The following PTK2B variants were observed in gnomAD, a reference collection of about 807,000 sequenced individuals.
The protein encoded by PTK2B is protein-tyrosine kinase 2-beta.
PTK2B carries 71 observed loss-of-function variants against 142.9 expected under a neutral mutation model. The ratio of observed to expected loss-of-function variants is 0.50; its 90% confidence interval spans 0.41 to 0.61. The LOEUF is 0.61. Among genes scored for constraint, PTK2B ranks in the 20% least tolerant of loss-of-function variants. The pLI, the probability that PTK2B is intolerant of heterozygous loss-of-function variation, is 0.00. For synonymous variants in PTK2B, 519 were observed against 503.4 expected, an observed-to-expected ratio of 1.03 and a Z score of -0.42; for missense variants, 1,105 against 1,320.4, an observed-to-expected ratio of 0.84 and a Z score of 2.53.
chr8:27,333,859 C>T lies in PTK2B; in HGVS notation c.-38+8178C>T, dbSNP rs1334512879. On this transcript the variant is annotated intron_variant, in intron 1 of 30. Transcript: ENST00000346049. ...GTGATGATTCCCAGGACCCTCCCTC[C>T]CTCCCTTAGCCCTCACTTCTAAGAG... Among the ~76,000 whole-genome samples, 4 of 152,100 alleles carry T rather than the reference C, an allele frequency of 2.6e-5. No homozygotes were observed. The East Asian group carries it at 7.7e-4, about 29-fold the overall frequency.
intron 2 of PTK2B, among the ~76,000 whole-genome samples, chr8:27,312,547 T>C (rs1048109848): frequency 6.6e-6 from 1 of 152,180 alleles, no homozygotes; most frequent in African/African-American, 2.4e-5. Context: ...ACCCAGGAGT[T>C]TCATCTTTTA....
At chr8:27,377,124 A>C (rs556287521) in intron 1 of PTK2B, among the ~76,000 whole-genome samples, 1 of 152,302 alleles carries the variant, frequency 6.6e-6, no homozygotes, top group African/African-American at 2.4e-5. Flanking sequence ...AAGGTGTAGA[A>C]AAACTCCTTT....
At position 27,435,879 on chromosome 8, in the gene PTK2B, T is replaced by C. The variant is rs1367097590; in HGVS notation, c.1243+86T>C. The C allele has an allele frequency of 2.0e-6, 3 of 1,466,092 alleles. No individual in the cohort carries two copies. The African/African-American group carries it at 4.2e-5, about 20-fold the overall frequency. The allele number at this position is 1,466,092 out of a possible 1,614,324, so 90.8% of individuals were successfully genotyped here. On this transcript the variant is annotated intron_variant, in intron 14 of 30. Transcript: ENST00000346049. ...GACTCTGGTGACACCACAGGGAACA[T>C]TCTTTTCCTCCTTTATCCTCCCTTC...
intron 1 of PTK2B, among the ~76,000 whole-genome samples, chr8:27,368,452 C>T (rs551029482): frequency 3.3e-5 from 5 of 152,330 alleles, no homozygotes; most frequent in Admixed American, 1.3e-4. Context: ...CTCACCTTGC[C>T]CACTGGCTGT....
rs920745541 is a variant in PTK2B, at chr8:27,445,811, T to C, written c.2232T>C (p.Cys744=). The change falls in exon 24 of 31, where the codon TGT becomes TGC. Residue 744 remains cysteine (C), a synonymous_variant. Transcript: ENST00000346049. ...CTGAATAGGTTCCTGAGGGTCTGTGTGCCAGCTCTCCTACGCTCACCAGCC... is the reference window on the plus strand; with the variant it reads ...CTGAATAGGTTCCTGAGGGTCTGTGCGCCAGCTCTCCTACGCTCACCAGCC... ...KLQFQVPEGL[C]ASSPTLTSPM... is the part of the protein sequence containing the mutation. 1.1e-5 allele frequency: 18 copies of C among 1,613,854 alleles called. No individual in the cohort carries two copies. The African/African-American group carries it at 2.3e-4, about 20-fold the overall frequency.
intron 1 of PTK2B, among the ~76,000 whole-genome samples, chr8:27,359,486 T>A (rs1360285682): frequency 6.6e-6 from 1 of 152,218 alleles, no homozygotes; most frequent in Non-Finnish European, 1.5e-5. Flanking sequence ...ATCTATAACG[T>A]GCATCTGCTG....
intron 1 of PTK2B, among the ~76,000 whole-genome samples, chr8:27,362,054 C>G (rs1805741454): frequency 6.6e-6 from 1 of 152,244 alleles, no homozygotes; most frequent in Non-Finnish European, 1.5e-5. Flanking sequence ...CAAGGGCAGG[C>G]CCTGTTTCCC....
intron 2 of PTK2B, among the ~76,000 whole-genome samples, chr8:27,413,409 C>T (rs1244004245): frequency 6.6e-6 from 1 of 152,196 alleles, no homozygotes; most frequent in Non-Finnish European, 1.5e-5. Flanking sequence ...CTGTCTGATC[C>T]AGGAGCACAC....
chr8:27,357,145 T>G (rs1805438067), intron 1 of PTK2B, among the ~76,000 whole-genome samples: 1 of 152,242 alleles, frequency 6.6e-6, no homozygotes, highest in Non-Finnish European at 1.5e-5. Context: ...TTTCCTGGTT[T>G]TGATATTATT....
intron 1 of PTK2B, among the ~76,000 whole-genome samples, chr8:27,365,213 G>A (rs545772191): frequency 3.3e-5 from 5 of 152,306 alleles, no homozygotes; most frequent in Admixed American, 1.3e-4. Flanking sequence ...ACTGTGCTGC[G>A]TGGTATTATT....
At chr8:27,386,477 A>G (rs1165564461) in intron 1 of PTK2B, among the ~76,000 whole-genome samples, 1 of 152,062 alleles carries the variant, frequency 6.6e-6, no homozygotes, top group African/African-American at 2.4e-5. Flanking sequence ...TGGCTTGTTT[A>G]ATAGGTTTAT....
At chr8:27,434,039 AT>A in intron 11 of PTK2B, 53 bp from the exon 12 acceptor site, 1 of 1,586,744 alleles carries the variant, frequency 6.3e-7, no homozygotes, top group South Asian at 1.1e-5. Flanking sequence ...TCAGTCACCC[AT>A]CCAGGTCCCT....
intron 20 of PTK2B, 31 bp downstream of exon 20, chr8:27,439,429 G>A (rs1811013069): frequency 6.3e-7 from 1 of 1,589,996 alleles, no homozygotes; most frequent in Non-Finnish European, 8.6e-7. Context: ...GCATGAAAAG[G>A]TGTTCAGATT....
chr8:27,439,311 T>G lies in PTK2B; in HGVS notation c.1747T>G (p.Ser583Ala). Reference sequence around the variant, plus strand: ...TCAACCTCTTTGCCCACCCAAAGCCTCTGTGACTCGTCTCCCCATCAAATG... The same window carrying G: ...TCAACCTCTTTGCCCACCCAAAGCCGCTGTGACTCGTCTCCCCATCAAATG... The part of the protein sequence containing the change: ...YIEDEDYYKA[S>A]VTRLPIKWMS... The change falls in exon 20 of 31, where the codon TCT becomes GCT. Residue 583 changes from serine (S) to alanine (A), a missense_variant and splice_region_variant. Ser to Ala is a moderately conservative substitution (Grantham distance 99). Coordinates refer to ENST00000346049, the MANE Select transcript of PTK2B (RefSeq NM_173176.3). 6.2e-7 allele frequency: 1 copy of G among 1,613,500 alleles called. No homozygotes were observed. The highest frequency in any genetic ancestry group is 8.5e-7 in the Non-Finnish European group (1 of 1,179,398).
chr8:27,444,268 C>T lies in PTK2B; in HGVS notation c.2211C>T (p.Phe737=). Residue 737 remains phenylalanine (F), a synonymous_variant, in exon 23 of 31, where the codon TTC becomes TTT. Coordinates refer to ENST00000346049, the MANE Select transcript of PTK2B (RefSeq NM_173176.3). The stretch of plus-strand genomic sequence containing the variant: ...ACCTCCTGGCTCCAAAGCTGCAGTT[C>T]CAGGTAAAGATAGAACCAGAGGACG... The part of the protein sequence containing the change: ...QTNLLAPKLQ[F]QVPEGLCASS... 2 of 1,613,068 alleles carry T rather than the reference C, an allele frequency of 1.2e-6. No individual in the cohort carries two copies. Among genetic ancestry groups the T allele is most frequent in the East Asian group, 2.2e-5 (1 of 44,860 alleles).
rs1388241809 is a variant in PTK2B at position 27,431,224 on chromosome 8, G to C, written c.811-174G>C. 3.3e-6 allele frequency: 5 copies of C among 1,492,564 alleles called. No individual in the cohort carries two copies. The African/African-American group carries it at 7.0e-5, about 21-fold the overall frequency. The allele number at this position is 1,492,564 out of a possible 1,614,324, so 92.5% of individuals were successfully genotyped here. A position where few individuals can be genotyped will look rare whatever the true frequency, so the allele number is the denominator to read the frequency against. On this transcript the variant is annotated intron_variant, in intron 8 of 30. Transcript: ENST00000346049. Reference sequence around the variant, plus strand: ...GTTGGCCTCCAGCTCTGGGAGGTGGGCAGGACAGGCAAGGTGTCAGGAGGG... The same window carrying C: ...GTTGGCCTCCAGCTCTGGGAGGTGGCCAGGACAGGCAAGGTGTCAGGAGGG...
chr8:27,439,404 T>A lies in PTK2B; in HGVS notation c.1834+6T>A, dbSNP rs1399384239. The A allele has an allele frequency of 1.1e-5, 17 of 1,611,066 alleles. No homozygotes were observed. The highest frequency in any genetic ancestry group is 1.4e-5 in the Non-Finnish European group (16 of 1,177,466). ...CAGTGACGTCTGGATGTTCGGTGAG[T>A]GCTGATTTGGGAGGGCATGAAAAGG... On this transcript the variant is annotated splice_donor_region_variant and intron_variant, in intron 20 of 30. Transcript: ENST00000346049.
intron 2 of PTK2B, among the ~76,000 whole-genome samples, chr8:27,414,674 C>T (rs1344682514): frequency 7.8e-6 from 1 of 128,488 alleles, no homozygotes; most frequent in Non-Finnish European, 1.7e-5. Context: ...CAATTCCAAT[C>T]CTTCACCTCC....
intron 1 of PTK2B, among the ~76,000 whole-genome samples, chr8:27,342,082 C>T (rs1325564357): frequency 1.3e-5 from 2 of 152,134 alleles, no homozygotes; most frequent in African/African-American, 4.8e-5. Context: ...GTGGACGCTG[C>T]TGGCCTGGGA....
Sources: allele counts gnomAD v4.1 joint callset (sites outside exome capture counted in the v4.1 genomes callset), GRCh38; gene constraint gnomAD v4.1.1; transcripts MANE v1.5; gene names NCBI Gene and HGNC (gene_info 2026-07-23, HGNC 2026-07-21).